CFAP299: variants seen among roughly 807,000 people sequenced by gnomAD.
CFAP299 encodes cilia and flagella associated protein 299.
CFAP299 carries 21 observed loss-of-function variants against 27.0 expected under a neutral mutation model. The ratio of observed to expected loss-of-function variants is 0.78; its 90% CI spans 0.55 to 1.12. CFAP299 has a LOEUF of 1.12. Ranked by LOEUF, CFAP299 falls within the 50% of genes most tolerant of loss-of-function variation. CFAP299 has a pLI of 0.00. For synonymous variants in CFAP299, 104 were observed against 98.1 expected, an observed-to-expected ratio of 1.06 and a Z score of -0.36; for missense variants, 310 against 276.6, an observed-to-expected ratio of 1.12 and a Z score of -0.86.
intron 3 of CFAP299, among the ~76,000 whole-genome samples, chr4:80,757,852 C>T (rs1725328941): frequency 3.3e-5 from 5 of 152,224 alleles, no homozygotes; most frequent in Admixed American, 6.5e-5. Flanking sequence ...TAGCTGGGTG[C>T]TTCGGAGCCA....
rs1384900436 is a variant in CFAP299 at position 80,856,672 on chromosome 4, A to G, written c.334-13321A>G. The stretch of plus-strand genomic sequence containing the variant: ...TTACTAAATAGGGAATCCTTTCCCC[A>G]TTGCTTGTTTTTCTCAGGTTTCTCA... On this transcript the variant is annotated intron_variant, in intron 3 of 5. Transcript: ENST00000358105. 3.9e-5 allele frequency among the ~76,000 whole-genome samples: 6 copies of G among 152,256 alleles called. No homozygotes were observed. In the East Asian group the frequency reaches 9.6e-4, roughly 24 times the overall value.
chr4:80,435,821 A>G (rs1390234506), intron 2 of CFAP299, among the ~76,000 whole-genome samples: 2 of 152,122 alleles, frequency 1.3e-5, no homozygotes, highest in Non-Finnish European at 2.9e-5. Flanking sequence ...CTTTTTGCTC[A>G]TGAGGGGCAG....
intron 3 of CFAP299, among the ~76,000 whole-genome samples, chr4:80,667,177 T>C (rs1045229490): frequency 1.3e-5 from 2 of 152,190 alleles, no homozygotes; most frequent in Admixed American, 6.5e-5. Flanking sequence ...AATTATTTGT[T>C]TTTTTATGTT....
chr4:80,722,244 C>G (rs1345365908), intron 3 of CFAP299, among the ~76,000 whole-genome samples: 2 of 151,628 alleles, frequency 1.3e-5, no homozygotes, highest in Non-Finnish European at 2.9e-5. Flanking sequence ...ATGGTGAAAC[C>G]CTGTCTCTAC....
At chr4:80,880,753 A>C (rs1964622) in intron 4 of CFAP299, among the ~76,000 whole-genome samples, 1 of 147,992 alleles carries the variant, frequency 6.8e-6, no homozygotes, top group Admixed American at 6.7e-5. Context: ...AAAATAAAAT[A>C]AAATTAAATT....
chr4:80,388,161 A>G, intron 2 of CFAP299: 1 of 671,166 alleles, frequency 1.5e-6, no homozygotes, highest in Non-Finnish European at 2.7e-6. Flanking sequence ...GGAGGTGGTG[A>G]GGGCAGTGGT....
At chr4:80,921,432 T>C (rs763346799) in intron 4 of CFAP299, among the ~76,000 whole-genome samples, 2 of 152,104 alleles carry the variant, frequency 1.3e-5, no homozygotes, top group Non-Finnish European at 2.9e-5. Flanking sequence ...AAAGAATGTA[T>C]AGACATTTCC....
the CFAP299 span, among the ~76,000 whole-genome samples, chr4:80,329,798 AAAG>A: frequency 5.3e-5 from 8 of 152,166 alleles, no homozygotes; most frequent in Non-Finnish European, 1.2e-4. Context: ...CAGAAGCTAG[AAAG>A]AAGATGTTAG....
intron 3 of CFAP299, among the ~76,000 whole-genome samples, chr4:80,782,289 G>C (rs75792378): frequency 6.6e-6 from 1 of 151,746 alleles, no homozygotes. Context: ...AAATGGAGGA[G>C]AGCAAAGCCC....
intron 3 of CFAP299, among the ~76,000 whole-genome samples, chr4:80,709,565 C>T (rs1722020020): frequency 6.6e-6 from 1 of 152,132 alleles, no homozygotes; most frequent in African/African-American, 2.4e-5. Flanking sequence ...AGATGCTGGA[C>T]AATCTGATTC....
At chr4:80,800,575 TAAATATATAATATATAATATATTAATATA>T (rs1408866150) in intron 3 of CFAP299, among the ~76,000 whole-genome samples, 2 of 77,804 alleles carry the variant, frequency 2.6e-5, no homozygotes, top group African/African-American at 1.2e-4. Flanking sequence ...TATATTAATA[TAAATATATAATATATAATATATTAATATA>T]AATATATAAT....
chr4:80,672,001 C>G (rs563927576), intron 3 of CFAP299, among the ~76,000 whole-genome samples: 2 of 152,202 alleles, frequency 1.3e-5, no homozygotes, highest in African/African-American at 2.4e-5. Flanking sequence ...TTATTTCTTT[C>G]TCTTGCCTGA....
At chr4:80,406,859 A>G (rs1283802085) in intron 2 of CFAP299, among the ~76,000 whole-genome samples, 1 of 152,188 alleles carries the variant, frequency 6.6e-6, no homozygotes, top group Non-Finnish European at 1.5e-5. Context: ...GCTCATCTCC[A>G]TTATATAGGT....
At chr4:80,653,289 C>T (rs1314829298) in intron 3 of CFAP299, among the ~76,000 whole-genome samples, 2 of 152,128 alleles carry the variant, frequency 1.3e-5, no homozygotes, top group African/African-American at 4.8e-5. Flanking sequence ...GCCATTTCCT[C>T]CTCACCTCTC....
At chr4:80,810,885 T>TA (rs1729117610) in intron 3 of CFAP299, among the ~76,000 whole-genome samples, 1 of 152,122 alleles carries the variant, frequency 6.6e-6, no homozygotes, top group African/African-American at 2.4e-5. Context: ...TCCAGCCTGA[T>TA]GCAACATCCC....
intron 4 of CFAP299, among the ~76,000 whole-genome samples, chr4:80,928,340 A>G (rs1295967488): frequency 1.3e-5 from 2 of 152,104 alleles, no homozygotes; most frequent in Admixed American, 1.3e-4. Context: ...CTAGGACCCA[A>G]GCCCAACTAT....
At chr4:80,703,534 T>C (rs1292305172) in intron 3 of CFAP299, among the ~76,000 whole-genome samples, 4 of 151,658 alleles carry the variant, frequency 2.6e-5, no homozygotes, top group Admixed American at 6.6e-5. Context: ...GTGGTCTCTT[T>C]CTTACCCATT....
At chr4:80,927,497 G>A (rs1274164687) in intron 4 of CFAP299, among the ~76,000 whole-genome samples, 1 of 151,974 alleles carries the variant, frequency 6.6e-6, no homozygotes, top group Non-Finnish European at 1.5e-5. Flanking sequence ...CATTTATCCC[G>A]TCACAGTTCT....
chr4:80,871,517 A>T, intron 4 of CFAP299: 2 of 985,376 alleles, frequency 2.0e-6, no homozygotes, highest in Non-Finnish European at 2.4e-6. Context: ...AATTAAATTC[A>T]TTTTAATTCC....
Sources: allele counts gnomAD v4.1 joint callset (sites outside exome capture counted in the v4.1 genomes callset), GRCh38; gene constraint gnomAD v4.1.1; transcripts MANE v1.5; gene names NCBI Gene and HGNC (gene_info 2026-07-23, HGNC 2026-07-21).